NDP: variants seen among roughly 807,000 people sequenced by gnomAD.
NDP encodes the protein norrin.
A neutral mutation model predicts 8.4 loss-of-function variants in NDP; 2 were observed. The ratio of observed to expected loss-of-function variants is 0.24; its 90% confidence interval spans 0.10 to 0.75. The LOEUF is 0.75. Ranked by LOEUF, NDP falls within the 30% of genes least tolerant of loss-of-function variation. The pLI, the probability that NDP is intolerant of heterozygous loss-of-function variation, is 0.73. For synonymous variants in NDP, 55 were observed against 45.6 expected (o/e 1.21, Z -0.83); for missense variants, 81 against 110.1 (o/e 0.74, Z 1.18).
chrX:43,949,763 GTT>G lies in NDP; in HGVS notation c.*34_*35del. The G allele has an allele frequency of 8.8e-7, 1 of 1,142,523 alleles. No individual in the cohort carries two copies. The highest frequency in any genetic ancestry group is 3.3e-5 in the East Asian group (1 of 30,687). The allele number at this position is 1,142,523 out of a possible 1,213,427, so 94.2% of individuals were successfully genotyped here. On this transcript the variant is annotated 3_prime_UTR_variant, in exon 3 of 3. Coordinates refer to ENST00000642620, the MANE Select transcript of NDP (RefSeq NM_000266.4). ...CCTGGCTGGTCGAACTGCCTCTACA[GTT>G]GTCCCATCCAGAAGCCACACACAGC... is the stretch of plus-strand genomic sequence containing the variant.
chrX:43,966,500 C>G (rs908768637), intron 1 of NDP: 4 of 112,041 alleles, frequency 3.6e-5, no homozygotes, highest in Non-Finnish European at 7.5e-5. Context: ...ACACACTCTA[C>G]TGCTCACCTT....
intron 2 of NDP, among the ~76,000 whole-genome samples, chrX:43,953,903 A>G (rs942174682): frequency 1.8e-5 from 2 of 112,512 alleles, no homozygotes; most frequent in African/African-American, 6.5e-5. Context: ...CCATAGACAT[A>G]CAAGTCTAAC....
At chrX:43,959,041 C>A (rs945888949) in intron 1 of NDP, among the ~76,000 whole-genome samples, 189 bp from the exon 2 acceptor site, 8 of 112,231 alleles carry the variant, frequency 7.1e-5, no homozygotes, top group Admixed American at 4.7e-4. Flanking sequence ...TATTTATAAC[C>A]ATTTGGAGGT....
chrX:43,970,005 A>G (rs2035882913), intron 1 of NDP, among the ~76,000 whole-genome samples: 1 of 112,360 alleles, frequency 8.9e-6, no homozygotes, highest in African/African-American at 3.2e-5. Flanking sequence ...TGCGAAAGAA[A>G]GAAGGGAAAT....
chrX:43,970,246 T>C (rs948149247), intron 1 of NDP, among the ~76,000 whole-genome samples: 1 of 112,304 alleles, frequency 8.9e-6, no homozygotes, highest in African/African-American at 3.2e-5. Flanking sequence ...TTCCCCGCTC[T>C]GCCTTAGCAC....
chrX:43,952,575 A>G (rs1224256942), intron 2 of NDP, among the ~76,000 whole-genome samples: 1 of 111,844 alleles, frequency 8.9e-6, no homozygotes, highest in Non-Finnish European at 1.9e-5. Context: ...CCATAAAATG[A>G]CCAAGTCAAC....
At position 43,965,260 on chromosome X, in the gene NDP, T is replaced by TA. The variant is rs1301846850; in HGVS notation, c.-207-6409dup. On this transcript the variant is annotated intron_variant, in intron 1 of 2. Transcript: ENST00000642620. ...GGAGACTTCATCTCTACAAAAATAA[T>TA]AAAAAAATACTAGCCAGGCATGGTG... 7.3e-5 allele frequency among the ~76,000 whole-genome samples: 8 copies of TA among 109,443 alleles called. No individual in the cohort carries two copies. The East Asian group carries it at 2.0e-3, about 28-fold the overall frequency.
At chrX:43,970,546 G>A (rs951290917) in intron 1 of NDP, among the ~76,000 whole-genome samples, 3 of 111,052 alleles carry the variant, frequency 2.7e-5, no homozygotes, top group Non-Finnish European at 3.8e-5. Flanking sequence ...ACCTAAACAC[G>A]TGATAAAACA....
At chrX:43,959,525 G>A (rs1259883676) in intron 1 of NDP, among the ~76,000 whole-genome samples, 1 of 112,430 alleles carries the variant, frequency 8.9e-6, no homozygotes, top group Non-Finnish European at 1.9e-5. Context: ...CATTTCTGCA[G>A]AGCCTTTGTA....
intron 2 of NDP, chrX:43,950,227 C>A (rs2035753287): frequency 6.7e-6 from 3 of 444,523 alleles, no homozygotes; most frequent in South Asian, 6.6e-5. Context: ...GAGATAGGGA[C>A]CAGGCTTTCA....
rs776787976 is a variant in NDP at position 43,949,373 on chromosome X, A to T, written c.*426T>A. ...GACCAAAATGACAAGGTAAAAAAAA[A>T]CATCAACAATAACAGAAGATGTCCC... On this transcript the variant is annotated 3_prime_UTR_variant, in exon 3 of 3. Coordinates refer to ENST00000642620, the MANE Select transcript of NDP (RefSeq NM_000266.4). 9 of 162,798 alleles carry T rather than the reference A, an allele frequency of 5.5e-5. No homozygotes were observed. The South Asian group carries it at 1.4e-3, about 25-fold the overall frequency. The allele number at this position is 162,798 out of a possible 1,213,427, so 13.4% of individuals were successfully genotyped here. A position where few individuals can be genotyped will look rare whatever the true frequency, so the allele number is the denominator to read the frequency against.
chrX:43,962,611 C>T (rs764462596), intron 1 of NDP, among the ~76,000 whole-genome samples: 1 of 111,972 alleles, frequency 8.9e-6, no homozygotes, highest in South Asian at 3.7e-4. Flanking sequence ...AAATCAAATG[C>T]TGCCTACGAA....
At chrX:43,966,420 T>C (rs1000356936) in intron 1 of NDP, 1 of 111,410 alleles carries the variant, frequency 9.0e-6, no homozygotes, top group African/African-American at 3.3e-5. Flanking sequence ...ATAGCACAAT[T>C]TCAGTCAGGG....
intron 2 of NDP, 122 bp from the exon 3 acceptor site, chrX:43,950,148 C>A: frequency 1.7e-6 from 1 of 594,026 alleles, no homozygotes; most frequent in Non-Finnish European, 2.8e-6. Flanking sequence ...ACCAGTGGCT[C>A]AATGCATGTT....
intron 1 of NDP, among the ~76,000 whole-genome samples, chrX:43,967,858 T>C (rs2035867349): frequency 9.0e-6 from 1 of 111,281 alleles, no homozygotes; most frequent in Non-Finnish European, 1.9e-5. Flanking sequence ...TGCAATTGGT[T>C]GGATCATGGC....
intron 2 of NDP, among the ~76,000 whole-genome samples, chrX:43,952,361 A>G (rs2035768123): frequency 9.0e-6 from 1 of 111,676 alleles, no homozygotes; most frequent in Admixed American, 9.5e-5. Context: ...TAGATCATCT[A>G]TTAGGTTGAC....
chrX:43,951,898 T>A (rs1285519460), intron 2 of NDP, among the ~76,000 whole-genome samples: 1 of 112,594 alleles, frequency 8.9e-6, no homozygotes, highest in Non-Finnish European at 1.9e-5. Flanking sequence ...TAAGCTGTTT[T>A]GATTTTTTTA....
At chrX:43,966,736 G>A (rs2035859834) in intron 1 of NDP, 1 of 111,758 alleles carries the variant, frequency 8.9e-6, no homozygotes, top group African/African-American at 3.3e-5. Flanking sequence ...TCAGGGTACA[G>A]GCTCTCTTTT....
intron 2 of NDP, among the ~76,000 whole-genome samples, 162 bp downstream of exon 2, chrX:43,958,310 C>T (rs992985186): frequency 8.9e-6 from 1 of 112,422 alleles, no homozygotes; most frequent in Admixed American, 9.4e-5. Context: ...GTGCAAAGCA[C>T]GGGGGGAAAT....
Sources: gnomAD v4.1 joint callset for allele counts (sites outside exome capture counted in the v4.1 genomes callset) on GRCh38, gnomAD v4.1.1 for gene constraint, MANE v1.5 for transcripts, NCBI Gene and HGNC (gene_info 2026-07-23, HGNC 2026-07-21) for gene names.